SEMA4D: variants seen among roughly 807,000 people sequenced by gnomAD.
The protein encoded by SEMA4D is semaphorin-4D.
A neutral mutation model predicts 74.8 loss-of-function variants in SEMA4D; 22 were observed. That is an observed-to-expected ratio of 0.29 (90% CI 0.21 to 0.42). SEMA4D has a LOEUF of 0.42. Ranked by LOEUF, SEMA4D falls within the 10% of genes least tolerant of loss-of-function variation. The pLI, the probability that SEMA4D is intolerant of heterozygous loss-of-function variation, is 1.00. For synonymous variants in SEMA4D, 445 were observed against 463.7 expected, an observed-to-expected ratio of 0.96 and a Z score of 0.52; for missense variants, 937 against 1,118.4, an observed-to-expected ratio of 0.84 and a Z score of 2.31.
intron 1 of SEMA4D, among the ~76,000 whole-genome samples, chr9:89,471,408 A>G (rs891522750): frequency 1.3e-5 from 2 of 152,246 alleles, no homozygotes; most frequent in African/African-American, 4.8e-5. Context: ...TTCCACAAGA[A>G]TAGATTTAGA....
intron 2 of SEMA4D, among the ~76,000 whole-genome samples, chr9:89,409,003 A>T (rs1420195363): frequency 3.9e-5 from 6 of 152,234 alleles, no homozygotes; most frequent in African/African-American, 1.4e-4. Context: ...AAGGCGTGCC[A>T]ACCACACAGG....
intron 1 of SEMA4D, among the ~76,000 whole-genome samples, chr9:89,480,185 A>G (rs1329773296): frequency 6.6e-6 from 1 of 152,150 alleles, no homozygotes; most frequent in Admixed American, 6.5e-5. Context: ...CCTGAGCTAG[A>G]TATAAAGGTT....
chr9:89,362,007 G>T, exon 19 of SEMA4D: 1 of 330,296 alleles, frequency 3.0e-6, no homozygotes, highest in Admixed American at 4.1e-5. Flanking sequence ...CTCTGTCAAG[G>T]GGAGTCACTG....
rs373552968 is a variant in SEMA4D at position 89,441,753 on chromosome 9, C to T, written c.-244+14135G>A. ...CCCCAATACCTGTCTAACCACTCTG[C>T]GTCCAGCTTTCCTGCCTGGGCCCTA... On this transcript the variant is annotated intron_variant, in intron 2 of 15. Transcript: ENST00000422704. Among the ~76,000 whole-genome samples the T allele has an allele frequency of 2.0e-5, 3 of 152,328 alleles. No individual in the cohort carries two copies. In the East Asian group the frequency reaches 5.8e-4, roughly 29 times the overall value.
intron 2 of SEMA4D, among the ~76,000 whole-genome samples, chr9:89,443,962 C>T (rs1321900918): frequency 6.6e-6 from 1 of 152,194 alleles, no homozygotes; most frequent in African/African-American, 2.4e-5. Flanking sequence ...GCTGCAGTGA[C>T]ACGGTCACCC....
chr9:89,364,206 G>C, intron 16 of SEMA4D: 1 of 656,462 alleles, frequency 1.5e-6, no homozygotes, highest in Non-Finnish European at 2.5e-6. Flanking sequence ...TGTGTGGCCT[G>C]TGTCCCCTAG....
intron 16 of SEMA4D, chr9:89,364,537 T>G (rs747757035): frequency 1.2e-5 from 2 of 173,452 alleles, no homozygotes; most frequent in Non-Finnish European, 2.5e-5. Context: ...CCTGCAGAAT[T>G]ACACTAGGAC....
chr9:89,394,540 G>A (rs968267500), intron 6 of SEMA4D, among the ~76,000 whole-genome samples: 21 of 152,362 alleles, frequency 1.4e-4, no homozygotes, highest in African/African-American at 3.4e-4. Flanking sequence ...CACAGAACAC[G>A]CGTGGGGATG....
chr9:89,376,711 C>T (rs902014245), downstream of SEMA4D: 7 of 1,378,688 alleles, frequency 5.1e-6, no homozygotes, highest in Non-Finnish European at 6.8e-6. Context: ...AGGGACGCAG[C>T]CAGGACAGAT....
chr9:89,459,239 G>A (rs1341290937), intron 1 of SEMA4D, among the ~76,000 whole-genome samples: 3 of 149,018 alleles, frequency 2.0e-5, no homozygotes, highest in Middle Eastern at 3.4e-3. Context: ...GCCCCAGTCC[G>A]GTAGTGCTCT....
chr9:89,455,047 GGGGACA>G (rs1385792418), intron 2 of SEMA4D, among the ~76,000 whole-genome samples: 8 of 152,256 alleles, frequency 5.3e-5, no homozygotes, highest in Non-Finnish European at 1.0e-4. Flanking sequence ...GGGAGGGGGT[GGGGACA>G]GGGCCAGAGA....
At chr9:89,489,397 T>C (rs1825453061) in intron 1 of SEMA4D, among the ~76,000 whole-genome samples, 1 of 152,234 alleles carries the variant, frequency 6.6e-6, no homozygotes, top group South Asian at 2.1e-4. Context: ...TTAAAGCGTA[T>C]AATCCAGTGG....
At chr9:89,469,266 G>T (rs1859549814) in intron 1 of SEMA4D, among the ~76,000 whole-genome samples, 1 of 152,120 alleles carries the variant, frequency 6.6e-6, no homozygotes, top group Non-Finnish European at 1.5e-5. Flanking sequence ...CTATAAACAG[G>T]AAAGAAATAG....
chr9:89,374,550 C>CGAG (rs1376048120), downstream of SEMA4D, among the ~76,000 whole-genome samples: 1 of 152,210 alleles, frequency 6.6e-6, no homozygotes, highest in Middle Eastern at 3.2e-3. Context: ...GGAAACCTCA[C>CGAG]CTTCCCACTG....
At chr9:89,476,579 T>C (rs1338614912) in intron 1 of SEMA4D, among the ~76,000 whole-genome samples, 1 of 152,160 alleles carries the variant, frequency 6.6e-6, no homozygotes, top group Non-Finnish European at 1.5e-5. Context: ...CAGACAGCCT[T>C]CCATTGAGCT....
chr9:89,385,177 AC>A (rs761787166), intron 13 of SEMA4D: 7 of 901,530 alleles, frequency 7.8e-6, no homozygotes, highest in African/African-American at 1.8e-5. Flanking sequence ...TCCTCTTCCT[AC>A]CCCCTTCTGC....
intron 16 of SEMA4D, chr9:89,367,306 G>T (rs1262145431): frequency 2.0e-5 from 3 of 152,270 alleles, no homozygotes; most frequent in Non-Finnish European, 4.4e-5. Context: ...GGAATCCTAG[G>T]CCCCCAGTGG....
intron 2 of SEMA4D, among the ~76,000 whole-genome samples, chr9:89,420,268 A>G (rs914263824): frequency 5.9e-5 from 9 of 151,948 alleles, no homozygotes; most frequent in African/African-American, 2.2e-4. Context: ...CTACACATAC[A>G]CGGTTTGTTT....
chr9:89,480,135 T>C (rs1361107205), intron 1 of SEMA4D, among the ~76,000 whole-genome samples: 1 of 151,658 alleles, frequency 6.6e-6, no homozygotes, highest in East Asian at 1.9e-4. Context: ...CTCACAAACC[T>C]TGAGCTAAAC....
Sources: allele counts gnomAD v4.1 joint callset (sites outside exome capture counted in the v4.1 genomes callset), GRCh38; gene constraint gnomAD v4.1.1; transcripts MANE v1.5; gene names NCBI Gene and HGNC (gene_info 2026-07-23, HGNC 2026-07-21).